The following NDOR1 variants were observed in gnomAD, a reference collection of about 807,000 sequenced individuals.
NDOR1 encodes the protein NADPH-dependent diflavin oxidoreductase 1.
Under a neutral mutation model 67.2 loss-of-function variants are expected in NDOR1, and 61 were observed. The ratio of observed to expected loss-of-function variants is 0.91; its 90% confidence interval spans 0.74 to 1.12. The LOEUF (loss-of-function observed/expected upper bound fraction) is 1.12. Among genes scored for constraint, NDOR1 ranks in the 50% most tolerant of loss-of-function variants. The probability of loss-of-function intolerance (pLI) is 0.00; values close to 1 mark genes in which losing one functional copy is unlikely to be tolerated. For missense variants in NDOR1, 878 were observed against 802.8 expected, an observed-to-expected ratio of 1.09 and a Z score of -1.13; for synonymous variants, 378 against 343.7, an observed-to-expected ratio of 1.10 and a Z score of -1.10.
Position 137,218,031 on chromosome 9 carries a change from AG to A in NDOR1, c.*1617del, listed in dbSNP as rs1282885381. The A allele has an allele frequency of 7.5e-6, 3 of 399,154 alleles. No homozygotes were observed. Among genetic ancestry groups the A allele is most frequent in the Non-Finnish European group, 1.3e-5 (3 of 226,624 alleles). The allele number at this position is 399,154 out of a possible 1,614,324, so 24.7% of individuals were successfully genotyped here. On this transcript the variant is annotated 3_prime_UTR_variant, in exon 14 of 14. Coordinates refer to ENST00000684003, the MANE Select transcript of NDOR1 (RefSeq NM_014434.4). ...GCCTGGGCCCTTCCAACCTGGAAGGAGGAGGGGAGAGAGCAGGCAGCAGGGC... is the reference window on the plus strand; with the variant it reads ...GCCTGGGCCCTTCCAACCTGGAAGGAGAGGGGAGAGAGCAGGCAGCAGGGC...
At chr9:137,210,271 G>A (rs1186792828) in intron 2 of NDOR1, among the ~76,000 whole-genome samples, 1 of 152,144 alleles carries the variant, frequency 6.6e-6, no homozygotes, top group Non-Finnish European at 1.5e-5. Context: ...GCCCAGGCTG[G>A]AGTGCAGTGG....
At chr9:137,213,049 C>T (rs917011742) in intron 3 of NDOR1, among the ~76,000 whole-genome samples, 17 of 152,192 alleles carry the variant, frequency 1.1e-4, no homozygotes, top group African/African-American at 3.9e-4. Context: ...GACCCCACAA[C>T]GGTGAAAACC....
At position 137,212,605 on chromosome 9, in the gene NDOR1, T is replaced by G. The variant is rs967594285; in HGVS notation, c.311+6T>G. ...GGGGACTCCTCATACGCCAAGTGAG[T>G]AGGGGATGGGACAGTGGGCGGACGG... is the stretch of plus-strand genomic sequence containing the variant. On this transcript the variant is annotated splice_donor_region_variant and intron_variant, in intron 3 of 13. Transcript: ENST00000684003. The surrounding 1 kb of genome is among the most constrained non-coding windows in gnomAD (Gnocchi z 4.3). The G allele has an allele frequency of 6.2e-7, 1 of 1,609,744 alleles. No homozygotes were observed. The highest frequency in any genetic ancestry group is 8.5e-7 in the Non-Finnish European group (1 of 1,176,438).
chr9:137,210,663 C>T (rs896162844), intron 2 of NDOR1, among the ~76,000 whole-genome samples: 8 of 151,878 alleles, frequency 5.3e-5, no homozygotes, highest in African/African-American at 1.5e-4. Context: ...GGCAACATGA[C>T]GAAACCCAGT....
At chr9:137,213,702 C>A in intron 3 of NDOR1, 78 bp from the exon 4 acceptor site, 1 of 1,421,012 alleles carries the variant, frequency 7.0e-7, no homozygotes, top group Admixed American at 2.3e-5. Flanking sequence ...CCGGGCTCCA[C>A]TCTCCCGGGT....
intron 2 of NDOR1, 64 bp downstream of exon 2, chr9:137,206,373 C>T (rs1282677862): frequency 6.5e-7 from 1 of 1,533,032 alleles, no homozygotes; most frequent in Non-Finnish European, 9.0e-7. Flanking sequence ...TTTTCATTGC[C>T]TGGCGTCTAG....
In NDOR1 at chr9:137,213,896, G is replaced by C. The variant is rs767225185; in HGVS notation, c.410+18G>C. ...GAGCTGGGGTGAGTCTGCGGGCGTG[G>C]TACCCGCCTCCACAGTCTGGTCTGG... On this transcript the variant is annotated intron_variant, in intron 4 of 13. Transcript: ENST00000684003. 8 of 1,599,090 alleles carry C rather than the reference G, an allele frequency of 5.0e-6. No individual in the cohort carries two copies. Among genetic ancestry groups the C allele is most frequent in the Non-Finnish European group, 6.0e-6 (7 of 1,172,338 alleles).
rs757736253 is a variant in NDOR1, at chr9:137,218,575, C to G, written c.*2159C>G. On this transcript the variant is annotated 3_prime_UTR_variant, in exon 14 of 14. Transcript: ENST00000684003. ...CGCTCCTGCTGCTGGGACTGCTCTT[C>G]GTGCTCCTGGACCGCTCTGGCCGCT... 2.5e-6 allele frequency: 1 copy of G among 399,610 alleles called. No individual in the cohort carries two copies. The highest frequency in any genetic ancestry group is 4.4e-5 in the Admixed American group (1 of 22,744). The allele number at this position is 399,610 out of a possible 1,614,324, so 24.8% of individuals were successfully genotyped here. A position where few individuals can be genotyped will look rare whatever the true frequency, so the allele number is the denominator to read the frequency against.
At chr9:137,209,739 G>C (rs571086452) in intron 2 of NDOR1, among the ~76,000 whole-genome samples, 2 of 152,316 alleles carry the variant, frequency 1.3e-5, no homozygotes, top group African/African-American at 4.8e-5. Flanking sequence ...GCAGACAGGA[G>C]AAAACAGAGG....
At position 137,218,480 on chromosome 9, in the gene NDOR1, T is replaced by C. The variant is rs1162360059; in HGVS notation, c.*2064T>C. ...CTGGACCCTGCGGGAGCGGGGACCC[T>C]GTGCCCGCCGCCTGGCGCTGCTGAG... On this transcript the variant is annotated 3_prime_UTR_variant, in exon 14 of 14. Transcript: ENST00000684003. 7.6e-6 allele frequency: 3 copies of C among 396,456 alleles called. No homozygotes were observed. The highest frequency in any genetic ancestry group is 2.1e-5 in the African/African-American group (1 of 47,052). 24.6% of individuals were successfully genotyped at this position (396,456 alleles called of 1,614,324 possible). A position where few individuals can be genotyped will look rare whatever the true frequency, so the allele number is the denominator to read the frequency against.
At position 137,214,390 on chromosome 9, in the gene NDOR1, T is replaced by C. The variant is rs1386481599; in HGVS notation, c.699T>C (p.Phe233=). 2.5e-6 allele frequency: 4 copies of C among 1,614,142 alleles called. No homozygotes were observed. ...SHFQDVRLIE[F]DILGSGISFA... is the part of the protein sequence containing the mutation. ...TCCAGGACGTTCGGCTGATTGAGTT[T>C]GACATCTTGGGCTCTGGCATCAGGT... The change falls in exon 6 of 14, where the codon TTT becomes TTC. Residue 233 remains phenylalanine, a synonymous_variant. Coordinates refer to ENST00000684003, the MANE Select transcript of NDOR1 (RefSeq NM_014434.4).
In NDOR1 at chr9:137,218,297, C is replaced by T. The variant is rs528306725; in HGVS notation, c.*1881C>T. 18 of 398,298 alleles carry T rather than the reference C, an allele frequency of 4.5e-5. No homozygotes were observed. Among genetic ancestry groups the T allele is most frequent in the South Asian group, 2.5e-4 (2 of 7,870 alleles). 24.7% of individuals were successfully genotyped at this position (398,298 alleles called of 1,614,324 possible). On this transcript the variant is annotated 3_prime_UTR_variant, in exon 14 of 14. Transcript: ENST00000684003. ...GCTGCTACAGGCCGACGGGCCCTCA[C>T]GCCAGCCCCGCCGAGAGGCCCCTGC...
intron 2 of NDOR1, among the ~76,000 whole-genome samples, chr9:137,209,313 G>C (rs1422636187): frequency 6.6e-6 from 1 of 152,170 alleles, no homozygotes. Context: ...AGATAGAGTG[G>C]GATGGAAGAG....
chr9:137,218,271 A>G lies in NDOR1; in HGVS notation c.*1855A>G. 2.5e-6 allele frequency: 1 copy of G among 398,224 alleles called. No homozygotes were observed. Among genetic ancestry groups the G allele is most frequent in the South Asian group, 1.3e-4 (1 of 7,868 alleles). The allele number at this position is 398,224 out of a possible 1,614,324, so 24.7% of individuals were successfully genotyped here. A position where few individuals can be genotyped will look rare whatever the true frequency, so the allele number is the denominator to read the frequency against. On this transcript the variant is annotated 3_prime_UTR_variant, in exon 14 of 14. Coordinates refer to ENST00000684003, the MANE Select transcript of NDOR1 (RefSeq NM_014434.4). ...TGGGAGATCTGCCGGCTACAGGAGGAGCTGCTACAGGCCGACGGGCCCTCA... is the reference window on the plus strand; with the variant it reads ...TGGGAGATCTGCCGGCTACAGGAGGGGCTGCTACAGGCCGACGGGCCCTCA...
intron 1 of NDOR1, 22 bp from the exon 2 acceptor site, chr9:137,206,210 G>A (rs1196107771): frequency 3.7e-6 from 6 of 1,613,442 alleles, no homozygotes; most frequent in Non-Finnish European, 5.1e-6. Context: ...GAGGTCTTAC[G>A]TGTGTGTGTC....
chr9:137,211,232 G>A (rs904535405), intron 2 of NDOR1, among the ~76,000 whole-genome samples: 8 of 152,234 alleles, frequency 5.3e-5, no homozygotes, highest in African/African-American at 1.7e-4. Flanking sequence ...GATAATTCCA[G>A]TGGCCTCAGA....
rs1778528073 is a variant in NDOR1 at position 137,217,554 on chromosome 9, A to G, written c.*1138A>G. The G allele has an allele frequency of 6.2e-6, 1 of 161,454 alleles. No individual in the cohort carries two copies. Among genetic ancestry groups the G allele is most frequent in the African/African-American group, 2.4e-5 (1 of 41,846 alleles). The allele number at this position is 161,454 out of a possible 1,614,324, so 10.0% of individuals were successfully genotyped here. ...GTCGGCGGGTCGCTGGCACAGGACT[A>G]AACATGGCTGAGGCTGGGCTCCAGC... On this transcript the variant is annotated 3_prime_UTR_variant, in exon 14 of 14. Transcript: ENST00000684003.
chr9:137,213,297 C>T (rs1835352269), intron 3 of NDOR1, among the ~76,000 whole-genome samples: 2 of 152,224 alleles, frequency 1.3e-5, no homozygotes, highest in African/African-American at 4.8e-5. Flanking sequence ...GAGGCCGCTG[C>T]CGACAGCGTT....
Position 137,217,181 on chromosome 9 carries a change from G to A in NDOR1, c.*765G>A, listed in dbSNP as rs578182026. On this transcript the variant is annotated 3_prime_UTR_variant, in exon 14 of 14. Coordinates refer to ENST00000684003, the MANE Select transcript of NDOR1 (RefSeq NM_014434.4). ...CCTGGGTGCTGGGTGCTGGATGGGTGGGCGCCACGGTGCACCCTTGTTGGG... is the reference window on the plus strand; with the variant it reads ...CCTGGGTGCTGGGTGCTGGATGGGTAGGCGCCACGGTGCACCCTTGTTGGG... Among the ~76,000 whole-genome samples, 5 of 152,210 alleles carry A rather than the reference G, an allele frequency of 3.3e-5. No individual in the cohort carries two copies. The highest frequency in any genetic ancestry group is 7.4e-5 in the Non-Finnish European group (5 of 68,012).
Sources: gnomAD v4.1 joint callset for allele counts (sites outside exome capture counted in the v4.1 genomes callset) on GRCh38, gnomAD v4.1.1 for gene constraint, Gnocchi (gnomAD v3.1) non-coding constraint, MANE v1.5 for transcripts, NCBI Gene and HGNC (gene_info 2026-07-23, HGNC 2026-07-21) for gene names.